Variants in VEGFC observed in about 807,000 individuals in gnomAD.
The protein encoded by VEGFC is FLT4 ligand DHM.
In VEGFC, 12 loss-of-function variants were observed where a neutral mutation model predicts 46.1. The observed-to-expected ratio is 0.26, with a 90% CI of 0.17 to 0.42. VEGFC has a LOEUF of 0.42. VEGFC is among the 10% of genes least tolerant of loss of function. VEGFC has a pLI of 1.00. For missense variants in VEGFC, 488 were observed against 529.4 expected, an observed-to-expected ratio of 0.92 and a Z score of 0.77; for synonymous variants, 232 against 195.5, an observed-to-expected ratio of 1.19 and a Z score of -1.56.
intron 1 of VEGFC, among the ~76,000 whole-genome samples, chr4:176,762,490 G>A (rs568736559): frequency 6.6e-6 from 1 of 152,100 alleles, no homozygotes; most frequent in Non-Finnish European, 1.5e-5. Context: ...ACTTGATCTT[G>A]AACGTTTCAA....
intron 1 of VEGFC, among the ~76,000 whole-genome samples, chr4:176,765,800 G>T (rs1735610791): frequency 6.6e-6 from 1 of 152,002 alleles, no homozygotes; most frequent in Admixed American, 6.6e-5. Flanking sequence ...TGATCCCCCT[G>T]CCTTGGCCTC....
chr4:176,689,987 A>G (rs1216560367), intron 4 of VEGFC, among the ~76,000 whole-genome samples: 1 of 152,234 alleles, frequency 6.6e-6, no homozygotes, highest in Non-Finnish European at 1.5e-5. Flanking sequence ...GTTCCCATTT[A>G]GAACAGAAAT....
intron 1 of VEGFC, among the ~76,000 whole-genome samples, chr4:176,755,674 C>T (rs1735420655): frequency 6.6e-6 from 1 of 151,994 alleles, no homozygotes; most frequent in Admixed American, 6.6e-5. Context: ...CATCCATTGA[C>T]ATGCTAGGTA....
chr4:176,746,561 T>TA (rs2110887655), intron 1 of VEGFC, among the ~76,000 whole-genome samples: 1 of 152,230 alleles, frequency 6.6e-6, no homozygotes, highest in East Asian at 1.9e-4. Context: ...AATATACTTT[T>TA]AAAAACCTCT....
intron 1 of VEGFC, among the ~76,000 whole-genome samples, chr4:176,765,996 A>T (rs1413940597): frequency 6.6e-6 from 1 of 152,186 alleles, no homozygotes; most frequent in African/African-American, 2.4e-5. Flanking sequence ...GCCAACCTAG[A>T]ATACTATACA....
chr4:176,775,335 CTTAT>C lies in VEGFC; in HGVS notation c.147+16826_147+16829del, dbSNP rs1456982931. Reference sequence around the variant, plus strand: ...AAATAATTTAAACAAGATTATATTTCTTATTTATCATTTGATGTTGATTTTTTAA... The same window carrying C: ...AAATAATTTAAACAAGATTATATTTCTTATCATTTGATGTTGATTTTTTAA... On this transcript the variant is annotated intron_variant, in intron 1 of 6. Transcript: ENST00000618562. Among the ~76,000 whole-genome samples, 7 of 152,154 alleles carry C rather than the reference CTTAT, an allele frequency of 4.6e-5. No individual in the cohort carries two copies. The East Asian group carries it at 1.2e-3, about 25-fold the overall frequency.
At chr4:176,730,846 TGTAA>T (rs1295476536) in intron 1 of VEGFC, among the ~76,000 whole-genome samples, 3 of 152,158 alleles carry the variant, frequency 2.0e-5, no homozygotes, top group African/African-American at 7.2e-5. Flanking sequence ...AGTTATTCTA[TGTAA>T]GTGATTTTTG....
intron 1 of VEGFC, among the ~76,000 whole-genome samples, chr4:176,747,089 C>T (rs1735269990): frequency 1.3e-5 from 2 of 152,062 alleles, no homozygotes; most frequent in Non-Finnish European, 2.9e-5. Context: ...TAATTCAAAG[C>T]TTTGACATCA....
intron 1 of VEGFC, among the ~76,000 whole-genome samples, chr4:176,770,374 T>C (rs1205845411): frequency 1.3e-5 from 2 of 152,218 alleles, no homozygotes; most frequent in Non-Finnish European, 2.9e-5. Flanking sequence ...ACAACTCATT[T>C]CCAATGCAAA....
chr4:176,754,478 A>T (rs1208955571), intron 1 of VEGFC, among the ~76,000 whole-genome samples: 2 of 151,996 alleles, frequency 1.3e-5, no homozygotes, highest in African/African-American at 4.8e-5. Flanking sequence ...AGCTTCTAGA[A>T]GCTCCATGCT....
At chr4:176,783,891 G>A (rs1249110788) in intron 1 of VEGFC, among the ~76,000 whole-genome samples, 2 of 152,074 alleles carry the variant, frequency 1.3e-5, no homozygotes, top group African/African-American at 2.4e-5. Flanking sequence ...TAATAAATTA[G>A]TTGCAAGGTG....
intron 6 of VEGFC, among the ~76,000 whole-genome samples, chr4:176,685,325 C>G (rs1445261601): frequency 5.9e-5 from 9 of 152,054 alleles, no homozygotes; most frequent in African/African-American, 2.2e-4. Context: ...AGGCAATGAA[C>G]CAAAGAATAT....
chr4:176,695,024 G>T (rs1734282645), intron 4 of VEGFC, among the ~76,000 whole-genome samples: 1 of 125,398 alleles, frequency 8.0e-6, no homozygotes. Flanking sequence ...ACAAGAGAAA[G>T]CAGGAAAGAT....
intron 4 of VEGFC, among the ~76,000 whole-genome samples, chr4:176,692,467 G>A (rs1342810798): frequency 1.8e-5 from 2 of 111,632 alleles, no homozygotes; most frequent in Non-Finnish European, 3.2e-5. Context: ...CACCTGGCTC[G>A]AGGGTCCTAC....
intron 1 of VEGFC, among the ~76,000 whole-genome samples, chr4:176,733,908 A>G (rs1735007799): frequency 6.6e-6 from 1 of 151,904 alleles, no homozygotes. Context: ...TCAGCAATCT[A>G]AAGAACTTTA....
intron 4 of VEGFC, among the ~76,000 whole-genome samples, chr4:176,699,948 G>C (rs1734397039): frequency 6.6e-6 from 1 of 152,150 alleles, no homozygotes; most frequent in Admixed American, 6.5e-5. Flanking sequence ...TTGTGTTACT[G>C]TTTGCTCTTG....
chr4:176,691,320 T>G (rs1734175456), intron 4 of VEGFC, among the ~76,000 whole-genome samples: 1 of 152,216 alleles, frequency 6.6e-6, no homozygotes. Flanking sequence ...TATAATTATG[T>G]TTTTTGTATA....
chr4:176,779,719 C>T (rs1437665396), intron 1 of VEGFC, among the ~76,000 whole-genome samples: 4 of 79,880 alleles, frequency 5.0e-5, no homozygotes, highest in Non-Finnish European at 1.1e-4. Context: ...AATGTCAGTG[C>T]GAAAGCAAAG....
At chr4:176,704,351 G>A (rs1734485934) in intron 4 of VEGFC, among the ~76,000 whole-genome samples, 1 of 152,022 alleles carries the variant, frequency 6.6e-6, no homozygotes, top group Non-Finnish European at 1.5e-5. Flanking sequence ...CCACTCTGAT[G>A]TCTTACAAAT....
Sources: gnomAD v4.1 joint callset for allele counts (sites outside exome capture counted in the v4.1 genomes callset) on GRCh38, gnomAD v4.1.1 for gene constraint, MANE v1.5 for transcripts, NCBI Gene and HGNC (gene_info 2026-07-23, HGNC 2026-07-21) for gene names.